HYDIN: variants seen among roughly 807,000 people sequenced by gnomAD.
The protein encoded by HYDIN is axonemal central pair apparatus protein HYDIN.
Under a neutral mutation model 403.9 loss-of-function variants are expected in HYDIN, and 132 were observed. The ratio of observed to expected loss-of-function variants is 0.33; its 90% CI spans 0.28 to 0.38. HYDIN has a LOEUF of 0.38. Ranked by LOEUF, HYDIN falls within the 10% of genes least tolerant of loss-of-function variation. HYDIN has a pLI of 1.00. For missense variants in HYDIN, 2,827 were observed against 5,009.5 expected, an observed-to-expected ratio of 0.56 and a Z score of 13.15; for synonymous variants, 1,202 against 1,891.7, an observed-to-expected ratio of 0.64 and a Z score of 9.46.
chr16:71,216,249 C>T (rs1312102762), intron 1 of HYDIN, among the ~76,000 whole-genome samples: 3 of 152,110 alleles, frequency 2.0e-5, no homozygotes, highest in Non-Finnish European at 2.9e-5. Flanking sequence ...AAAAAATTGC[C>T]ATATTCCTAT....
intron 13 of HYDIN, 94 bp downstream of exon 13, chr16:71,079,791 G>A (rs1041804664): frequency 1.5e-5 from 9 of 604,822 alleles, no homozygotes; most frequent in Non-Finnish European, 2.4e-5. Flanking sequence ...CTATTCCAGT[G>A]CTGTGGAACG....
chr16:71,004,566 A>G (rs1243960872), intron 23 of HYDIN, among the ~76,000 whole-genome samples: 2 of 151,898 alleles, frequency 1.3e-5, no homozygotes, highest in Non-Finnish European at 2.9e-5. Flanking sequence ...CCTGGAATAA[A>G]CTCAACCTCA....
rs1306991231 is a variant in HYDIN at position 70,850,642 on chromosome 16, T to C, written c.12457A>G (p.Ile4153Val). ...CCTTCCTGCTTTGGTGTGAAGAAAA[T>C]ATCAATTGGGAACCTGGTTGGGGAA... ...IPPLSRFPID[I>V]FFTPKQEGDV... Residue 4153 changes from isoleucine (I) to valine (V), a missense_variant, in exon 74 of 86, where the codon ATT (isoleucine) becomes GTT (valine). By Grantham distance (29) the Ile-to-Val change is conservative. Transcript: ENST00000393567. 3 of 1,613,666 alleles carry C rather than the reference T, an allele frequency of 1.9e-6. No homozygotes were observed. The African/African-American group carries it at 4.0e-5, about 22-fold the overall frequency.
intron 45 of HYDIN, among the ~76,000 whole-genome samples, chr16:70,923,065 GC>G (rs2077044614): frequency 6.6e-6 from 1 of 151,734 alleles, no homozygotes; most frequent in Non-Finnish European, 1.5e-5. Flanking sequence ...ACTATGCCTG[GC>G]CCCTTTTATA....
intron 52 of HYDIN, 46 bp from the exon 53 acceptor site, chr16:70,901,248 G>C: frequency 7.0e-7 from 1 of 1,436,078 alleles, no homozygotes; most frequent in Non-Finnish European, 9.7e-7. Flanking sequence ...AAATTTTGTA[G>C]TTTCATGTGT....
At chr16:71,006,886 T>A (rs1044206816) in intron 23 of HYDIN, among the ~76,000 whole-genome samples, 3 of 152,164 alleles carry the variant, frequency 2.0e-5, no homozygotes, top group Non-Finnish European at 4.4e-5. Context: ...ACAGTAGCTG[T>A]GGATTTGTAT....
At chr16:71,115,249 G>A (rs1484687328) in intron 10 of HYDIN, among the ~76,000 whole-genome samples, 2 of 151,932 alleles carry the variant, frequency 1.3e-5, no homozygotes, top group African/African-American at 4.8e-5. Flanking sequence ...GTTTTATAAG[G>A]GGCTCTTTCC....
intron 3 of HYDIN, among the ~76,000 whole-genome samples, chr16:71,181,107 C>T: frequency 6.6e-6 from 1 of 151,036 alleles, no homozygotes; most frequent in South Asian, 2.1e-4. Flanking sequence ...TAACTGAATG[C>T]AGGAATACAC....
At chr16:70,842,816 T>C (rs2037919608) in intron 75 of HYDIN, among the ~76,000 whole-genome samples, 1 of 152,036 alleles carries the variant, frequency 6.6e-6, no homozygotes, top group Admixed American at 6.6e-5. Context: ...AATTATGTCT[T>C]TTTTATTCTT....
At chr16:71,168,702 G>A (rs2086345382) in intron 5 of HYDIN, among the ~76,000 whole-genome samples, 1 of 152,162 alleles carries the variant, frequency 6.6e-6, no homozygotes, top group Non-Finnish European at 1.5e-5. Context: ...TCACAGCCAA[G>A]CTGCAGGGCA....
At chr16:71,108,250 G>C (rs1239847704) in intron 10 of HYDIN, among the ~76,000 whole-genome samples, 2 of 151,964 alleles carry the variant, frequency 1.3e-5, no homozygotes, top group Non-Finnish European at 2.9e-5. Flanking sequence ...ACAAAAATCT[G>C]TACAACAAAA....
At chr16:70,837,200 A>G (rs2037486216) in intron 77 of HYDIN, among the ~76,000 whole-genome samples, 2 of 152,278 alleles carry the variant, frequency 1.3e-5, no homozygotes, top group East Asian at 3.9e-4. Context: ...CTTGAACCAA[A>G]TATCATCCAG....
intron 10 of HYDIN, among the ~76,000 whole-genome samples, chr16:71,110,398 A>G (rs902445105): frequency 7.1e-6 from 1 of 140,436 alleles, no homozygotes; most frequent in African/African-American, 2.7e-5. Flanking sequence ...TTTTATATAT[A>G]TATTTATATA....
intron 4 of HYDIN, 137 bp from the exon 5 acceptor site, chr16:71,175,878 G>C: frequency 1.3e-6 from 1 of 790,476 alleles, no homozygotes; most frequent in Non-Finnish European, 2.2e-6. Flanking sequence ...TATAAAAGGA[G>C]ATGATAGTAC....
At chr16:70,890,162 T>C in intron 57 of HYDIN, among the ~76,000 whole-genome samples, 1 of 152,258 alleles carries the variant, frequency 6.6e-6, no homozygotes. Flanking sequence ...TCTTGGTAGT[T>C]GTTCACTTGC....
At chr16:70,991,440 C>G (rs745818938) in intron 24 of HYDIN, 44 bp from the exon 25 acceptor site, 1 of 1,603,036 alleles carries the variant, frequency 6.2e-7, no homozygotes, top group East Asian at 2.2e-5. Context: ...ATTGGGCTGT[C>G]ATCGCCACAC....
chr16:70,919,480 G>A lies in HYDIN; in HGVS notation c.7786-1051C>T, dbSNP rs559868371. Among the ~76,000 whole-genome samples the A allele has an allele frequency of 1.5e-3, 227 of 152,032 alleles. 2 individuals are homozygous for A. The highest frequency in any genetic ancestry group is 5.2e-3 in the African/African-American group (216 of 41,476). On this transcript the variant is annotated intron_variant, in intron 46 of 85. Transcript: ENST00000393567. ...TGGCAAGGCTTCTACTGTGGGCCGC[G>A]GCACATGGAAGTCACATGGATTGCA...
At chr16:71,097,960 T>A (rs1341085367) in intron 10 of HYDIN, among the ~76,000 whole-genome samples, 1 of 152,332 alleles carries the variant, frequency 6.6e-6, no homozygotes, top group Non-Finnish European at 1.5e-5. Context: ...GTATCTTTAA[T>A]GCTTTTTCCC....
chr16:70,871,196 G>T (rs1033454370), intron 65 of HYDIN, among the ~76,000 whole-genome samples: 7 of 151,740 alleles, frequency 4.6e-5, no homozygotes, highest in African/African-American at 1.7e-4. Flanking sequence ...GAAACGGAAT[G>T]GTCAGGGTCC....
Sources: allele counts gnomAD v4.1 joint callset (sites outside exome capture counted in the v4.1 genomes callset), GRCh38; gene constraint gnomAD v4.1.1; transcripts MANE v1.5; gene names NCBI Gene and HGNC (gene_info 2026-07-23, HGNC 2026-07-21).